The following MET variants were observed in gnomAD, a reference collection of about 807,000 sequenced individuals.
MET encodes the protein hepatocyte growth factor receptor.
In MET, 48 loss-of-function variants were observed where a neutral mutation model predicts 133.1. That is an observed-to-expected ratio of 0.36 (90% CI 0.29 to 0.46). The LOEUF (loss-of-function observed/expected upper bound fraction) is 0.46, where lower values mean the gene tolerates loss of function less well. Among genes scored for constraint, MET ranks in the 20% least tolerant of loss-of-function variants. The probability of loss-of-function intolerance (pLI) is 1.00; values close to 1 mark genes in which losing one functional copy is unlikely to be tolerated. For missense variants in MET, 1,442 were observed against 1,695.9 expected (o/e 0.85, Z 2.63); for synonymous variants, 628 against 616.5 (o/e 1.02, Z -0.28).
chr7:116,776,568 A>C (rs1794999699), intron 15 of MET, among the ~76,000 whole-genome samples: 1 of 152,228 alleles, frequency 6.6e-6, no homozygotes, highest in South Asian at 2.1e-4. Context: ...CTGCAGGAGA[A>C]TAGGAGCACT....
intron 2 of MET, among the ~76,000 whole-genome samples, chr7:116,701,253 A>G (rs2116612436): frequency 6.6e-6 from 1 of 152,304 alleles, no homozygotes; most frequent in South Asian, 2.1e-4. Flanking sequence ...CCATCATTGA[A>G]TGAACAAATA....
chr7:116,785,103 A>G (rs1233043791), intron 19 of MET, among the ~76,000 whole-genome samples: 1 of 152,226 alleles, frequency 6.6e-6, no homozygotes, highest in Non-Finnish European at 1.5e-5. Flanking sequence ...CATGTCTCAT[A>G]TCCAGGGCAC....
At chr7:116,741,764 T>C (rs372968031) in intron 5 of MET, among the ~76,000 whole-genome samples, 1 of 152,214 alleles carries the variant, frequency 6.6e-6, no homozygotes, top group African/African-American at 2.4e-5. Context: ...CACTCTTTAA[T>C]TCATTCCAAA....
At chr7:116,706,753 C>T (rs1304940256) in intron 2 of MET, among the ~76,000 whole-genome samples, 1 of 152,026 alleles carries the variant, frequency 6.6e-6, no homozygotes, top group Non-Finnish European at 1.5e-5. Flanking sequence ...ACACAGAGTT[C>T]AGAATGATTC....
At chr7:116,676,838 GA>G (rs1350038140) in intron 1 of MET, among the ~76,000 whole-genome samples, 1 of 152,106 alleles carries the variant, frequency 6.6e-6, no homozygotes, top group African/African-American at 2.4e-5. Flanking sequence ...ATTTTGGAGG[GA>G]GATACCTGAA....
intron 2 of MET, among the ~76,000 whole-genome samples, chr7:116,723,732 G>A (rs533419090): frequency 1.6e-3 from 239 of 152,084 alleles, no homozygotes; most frequent in Middle Eastern, 0.01. Flanking sequence ...GTCTGTTGGA[G>A]TACCCTGCCG....
At chr7:116,722,682 G>A (rs1437565357) in intron 2 of MET, among the ~76,000 whole-genome samples, 7 of 148,422 alleles carry the variant, frequency 4.7e-5, no homozygotes, top group Non-Finnish European at 9.0e-5. Flanking sequence ...GCCTGGTGGT[G>A]ACAAAATCTC....
At chr7:116,676,753 A>G (rs1273495779) in intron 1 of MET, among the ~76,000 whole-genome samples, 2 of 152,176 alleles carry the variant, frequency 1.3e-5, no homozygotes, top group Non-Finnish European at 2.9e-5. Context: ...AGCACTTCTC[A>G]GGAGTGCTAT....
chr7:116,740,862 T>G lies in MET; in HGVS notation c.1538T>G (p.Ile513Ser). 1 of 1,614,104 alleles carries G rather than the reference T, an allele frequency of 6.2e-7. No homozygotes were observed. Among genetic ancestry groups the G allele is most frequent in the Non-Finnish European group, 8.5e-7 (1 of 1,180,030 alleles). ...CCCTTCTCTTCACAGATCACGAAGA[T>G]CCCATTGAATGGCTTGGGCTGCAGA... ...LVITGKKITK[I>S]PLNGLGCRHF... Residue 513 changes from isoleucine (I) to serine (S), a missense_variant, in exon 5 of 21, where the codon ATC (isoleucine) becomes AGC (serine). Physicochemically the swap from Ile to Ser is moderately radical, Grantham distance 142 (BLOSUM62 -2). This residue lies in a region of MET where 762 missense variants were observed against 792.4 expected (regional missense o/e 0.96). Coordinates refer to ENST00000397752, the MANE Select transcript of MET (RefSeq NM_000245.4).
chr7:116,778,628 T>C lies in MET; in HGVS notation c.3341-148T>C, dbSNP rs970621616. ...CACGGTGGCATCATTCACTCAGATG[T>C]GATGTAAAAAGAACACTCTGCAGTC... On this transcript the variant is annotated intron_variant, in intron 16 of 20. Coordinates refer to ENST00000397752, the MANE Select transcript of MET (RefSeq NM_000245.4). The C allele has an allele frequency of 7.5e-5, 64 of 849,594 alleles. No individual in the cohort carries two copies. In the Middle Eastern group the frequency reaches 5.3e-3, roughly 70 times the overall value. The allele number at this position is 849,594 out of a possible 1,614,324, so 52.6% of individuals were successfully genotyped here. A position where few individuals can be genotyped will look rare whatever the true frequency, so the allele number is the denominator to read the frequency against.
At position 116,724,934 on chromosome 7, in the gene MET, T is replaced by A. The variant is rs1792682425; in HGVS notation, c.1201-6734T>A. ...TTAATATTTGTAAAATGCTTAGAAC[T>A]GTGTCTAACACATTGTAAACACTAG... On this transcript the variant is annotated intron_variant, in intron 2 of 20. Coordinates refer to ENST00000397752, the MANE Select transcript of MET (RefSeq NM_000245.4). The A allele has an allele frequency of 3.6e-6, 4 of 1,097,232 alleles. No individual in the cohort carries two copies. The African/African-American group carries it at 6.5e-5, about 18-fold the overall frequency. The allele number at this position is 1,097,232 out of a possible 1,614,324, so 68.0% of individuals were successfully genotyped here. A position where few individuals can be genotyped will look rare whatever the true frequency, so the allele number is the denominator to read the frequency against.
In MET at chr7:116,777,477, G is replaced by A. The variant is rs541156628; in HGVS notation, c.3340+8G>A. 15 of 1,613,210 alleles carry A rather than the reference G, an allele frequency of 9.3e-6. No homozygotes were observed. The highest frequency in any genetic ancestry group is 3.3e-5 in the Admixed American group (2 of 60,010). On this transcript the variant is annotated splice_region_variant and intron_variant, in intron 16 of 20. Coordinates refer to ENST00000397752, the MANE Select transcript of MET (RefSeq NM_000245.4). Reference sequence around the variant, plus strand: ...CTGTGAAATCCTTGAACAGTAAGTGGCATTTTATTTAACCATGGAGTATAC... The same window carrying A: ...CTGTGAAATCCTTGAACAGTAAGTGACATTTTATTTAACCATGGAGTATAC...
chr7:116,682,075 T>C (rs531689003), intron 1 of MET, among the ~76,000 whole-genome samples: 1 of 152,352 alleles, frequency 6.6e-6, no homozygotes, highest in South Asian at 2.1e-4. Context: ...TTATTGTTCA[T>C]TGAAATCTGT....
Position 116,711,325 on chromosome 7 carries a change from G to A in MET, c.1200+11041G>A, listed in dbSNP as rs558008526. On this transcript the variant is annotated intron_variant, in intron 2 of 20. Coordinates refer to ENST00000397752, the MANE Select transcript of MET (RefSeq NM_000245.4). Reference sequence around the variant, plus strand: ...CACAACCTTGCTCAGTCATTAACCTGTGTTGACTTTCTCATTCTTGTGTTC... The same window carrying A: ...CACAACCTTGCTCAGTCATTAACCTATGTTGACTTTCTCATTCTTGTGTTC... Among the ~76,000 whole-genome samples the A allele has an allele frequency of 4.6e-5, 7 of 152,310 alleles. No homozygotes were observed. In the East Asian group the frequency reaches 9.7e-4, roughly 21 times the overall value.
At chr7:116,726,178 TGG>T (rs1484167928) in intron 2 of MET, among the ~76,000 whole-genome samples, 6 of 3,596 alleles carry the variant, frequency 1.7e-3, no homozygotes, top group South Asian at 7.7e-3. Flanking sequence ...TATATATATA[TGG>T]GATATAAAAC....
intron 11 of MET, among the ~76,000 whole-genome samples, chr7:116,765,286 C>CAAAA (rs754418396): frequency 2.2e-4 from 7 of 31,854 alleles, no homozygotes; most frequent in East Asian, 8.5e-4. Flanking sequence ...GGAGACAGAG[C>CAAAA]AAAAAAAAAA....
At chr7:116,777,885 T>C (rs570191239) in intron 16 of MET, among the ~76,000 whole-genome samples, 1 of 152,228 alleles carries the variant, frequency 6.6e-6, no homozygotes, top group South Asian at 2.1e-4. Flanking sequence ...AAAAATGAAA[T>C]AAGACAAACA....
At chr7:116,773,474 G>A (rs910598704) in intron 14 of MET, among the ~76,000 whole-genome samples, 1 of 152,164 alleles carries the variant, frequency 6.6e-6, no homozygotes, top group Non-Finnish European at 1.5e-5. Flanking sequence ...CCCTCAATCT[G>A]TGCACCCTTA....
At chr7:116,706,163 A>G (rs1791783557) in intron 2 of MET, among the ~76,000 whole-genome samples, 1 of 152,166 alleles carries the variant, frequency 6.6e-6, no homozygotes, top group Non-Finnish European at 1.5e-5. Flanking sequence ...ATATTAATTC[A>G]TGATATGATT....
Sources: allele counts gnomAD v4.1 joint callset (sites outside exome capture counted in the v4.1 genomes callset), GRCh38; gene constraint gnomAD v4.1.1; regional missense constraint gnomAD v4.1.1; transcripts MANE v1.5; gene names NCBI Gene and HGNC (gene_info 2026-07-23, HGNC 2026-07-21).